CREB5: variants seen among roughly 807,000 people sequenced by gnomAD.
CREB5 encodes cAMP responsive element binding protein 5, also known as cyclic AMP-responsive element-binding protein 5.
Under a neutral mutation model 57.1 loss-of-function variants are expected in CREB5, and 19 were observed. That is an observed-to-expected ratio of 0.33 (90% CI 0.23 to 0.49). CREB5 has a LOEUF of 0.49. Ranked by LOEUF, CREB5 falls within the 20% of genes least tolerant of loss-of-function variation. The pLI, the probability that CREB5 is intolerant of heterozygous loss-of-function variation, is 0.99. For missense variants in CREB5, 579 were observed against 671.6 expected (o/e 0.86, Z 1.52); for synonymous variants, 238 against 238.3 (o/e 1.00, Z 0.01).
chr7:28,527,531 T>C (rs1262253841), intron 4 of CREB5, among the ~76,000 whole-genome samples: 1 of 152,200 alleles, frequency 6.6e-6, no homozygotes, highest in African/African-American at 2.4e-5. Context: ...AAAATTCTCT[T>C]GACAGCCAGG....
chr7:28,560,881 T>TGCGCGTGTGCGC, intron 4 of CREB5, among the ~76,000 whole-genome samples: 1 of 46,242 alleles, frequency 2.2e-5, no homozygotes, highest in East Asian at 5.3e-4. Context: ...TGCGCGTGCG[T>TGCGCGTGTGCGC]GCGTGCGTGT....
At chr7:28,766,979 A>T (rs1453298647) in intron 7 of CREB5, among the ~76,000 whole-genome samples, 1 of 152,186 alleles carries the variant, frequency 6.6e-6, no homozygotes, top group Admixed American at 6.5e-5. Flanking sequence ...ACAGAATTGG[A>T]CGCTAAACAT....
chr7:28,588,314 T>A (rs1483232158), intron 5 of CREB5, among the ~76,000 whole-genome samples: 2 of 152,202 alleles, frequency 1.3e-5, no homozygotes, highest in Non-Finnish European at 2.9e-5. Context: ...CTACATCAGA[T>A]CCCATGTATT....
intron 5 of CREB5, among the ~76,000 whole-genome samples, chr7:28,716,457 G>A (rs757105491): frequency 2.0e-5 from 3 of 152,202 alleles, no homozygotes; most frequent in Non-Finnish European, 4.4e-5. Context: ...GTAAAAGGCT[G>A]TATGTGTGTA....
intron 5 of CREB5, among the ~76,000 whole-genome samples, chr7:28,717,324 A>G (rs1322580246): frequency 6.6e-6 from 1 of 151,872 alleles, no homozygotes; most frequent in Non-Finnish European, 1.5e-5. Flanking sequence ...ACCTATCTAA[A>G]CTGATCATAA....
chr7:28,434,759 T>C (rs1273556353), intron 1 of CREB5, among the ~76,000 whole-genome samples: 1 of 152,188 alleles, frequency 6.6e-6, no homozygotes, highest in Non-Finnish European at 1.5e-5. Context: ...TGAATACAAA[T>C]AATTTACAAA....
chr7:28,455,633 G>T (rs28575542), intron 1 of CREB5, among the ~76,000 whole-genome samples: 44,535 of 151,756 alleles, frequency 0.29, 7,408 homozygotes, highest in East Asian at 0.57. Context: ...TGGACCTTCC[G>T]GCTCAGGAGT....
At chr7:28,705,416 G>C (rs1224497641) in intron 5 of CREB5, among the ~76,000 whole-genome samples, 1 of 150,408 alleles carries the variant, frequency 6.6e-6, no homozygotes, top group Non-Finnish European at 1.5e-5. Flanking sequence ...TATCATGACA[G>C]ACCAGTGAAG....
intron 1 of CREB5, among the ~76,000 whole-genome samples, chr7:28,311,878 C>A (rs1283209981): frequency 6.6e-6 from 1 of 152,180 alleles, no homozygotes; most frequent in Non-Finnish European, 1.5e-5. Context: ...TGCACTCCTC[C>A]CTCCCCAGTG....
At chr7:28,558,061 A>G (rs1794945146) in intron 4 of CREB5, among the ~76,000 whole-genome samples, 1 of 152,204 alleles carries the variant, frequency 6.6e-6, no homozygotes, top group South Asian at 2.1e-4. Flanking sequence ...AGTTGTGGCC[A>G]GTGTATTATC....
intron 4 of CREB5, among the ~76,000 whole-genome samples, chr7:28,554,159 C>T (rs1050106862): frequency 3.3e-5 from 5 of 152,164 alleles, no homozygotes; most frequent in African/African-American, 9.7e-5. Context: ...AATCACCCAT[C>T]GTCACAAAAA....
chr7:28,563,316 G>A (rs958153259), intron 4 of CREB5, among the ~76,000 whole-genome samples: 1 of 152,124 alleles, frequency 6.6e-6, no homozygotes, highest in Admixed American at 6.5e-5. Context: ...ACATGATTCT[G>A]ATGCTAATCC....
intron 1 of CREB5, among the ~76,000 whole-genome samples, chr7:28,363,195 T>A (rs752337183): frequency 3.3e-5 from 5 of 152,204 alleles, no homozygotes; most frequent in Non-Finnish European, 7.3e-5. Context: ...ATTAGTGACA[T>A]CCTGGGGACA....
chr7:28,688,566 T>A (rs1347490475), intron 5 of CREB5, among the ~76,000 whole-genome samples: 2 of 152,232 alleles, frequency 1.3e-5, no homozygotes, highest in Non-Finnish European at 2.9e-5. Flanking sequence ...ATGTGCTTGT[T>A]AGATAATTTT....
Position 28,375,202 on chromosome 7 carries a change from G to A in CREB5, c.-25+75761G>A, listed in dbSNP as rs917149930. 3.9e-5 allele frequency among the ~76,000 whole-genome samples: 6 copies of A among 152,144 alleles called. 1 individual carries two copies. Among genetic ancestry groups the A allele is most frequent in the Non-Finnish European group, 4.4e-5 (3 of 68,020 alleles). On this transcript the variant is annotated intron_variant, in intron 1 of 9. Transcript: ENST00000396299. ...AAAAGTTTGGGACATCTAAGATTTT[G>A]TTCTGTTTGGTTATGGGAAATCTAC...
chr7:28,531,768 C>G (rs216713), intron 4 of CREB5, among the ~76,000 whole-genome samples: 6 of 151,904 alleles, frequency 3.9e-5, no homozygotes, highest in African/African-American at 1.5e-4. Flanking sequence ...TGGGGGCTCA[C>G]GCCTGTAATC....
chr7:28,649,184 C>T (rs920302654), intron 5 of CREB5, among the ~76,000 whole-genome samples: 2 of 152,164 alleles, frequency 1.3e-5, no homozygotes, highest in African/African-American at 2.4e-5. Flanking sequence ...CAAGATTTTC[C>T]AAAGAAAGGA....
chr7:28,539,970 T>G (rs216730), intron 4 of CREB5, among the ~76,000 whole-genome samples: 84,189 of 152,070 alleles, frequency 0.55, 24,847 homozygotes, highest in Non-Finnish European at 0.65. Flanking sequence ...TATGGCTGTT[T>G]CCAAGGATGC....
At chr7:28,600,446 T>A (rs1200657965) in intron 5 of CREB5, among the ~76,000 whole-genome samples, 1 of 152,188 alleles carries the variant, frequency 6.6e-6, no homozygotes, top group Non-Finnish European at 1.5e-5. Context: ...CTGAGGATCC[T>A]TTTTGGGAGA....
Sources: allele counts gnomAD v4.1 joint callset (sites outside exome capture counted in the v4.1 genomes callset), GRCh38; gene constraint gnomAD v4.1.1; transcripts MANE v1.5; gene names NCBI Gene and HGNC (gene_info 2026-07-23, HGNC 2026-07-21).